The following INPP4B variants were observed in gnomAD, a reference collection of about 807,000 sequenced individuals.
INPP4B encodes inositol polyphosphate-4-phosphatase type II B, also known as inositol polyphosphate 4-phosphatase type II.
In INPP4B, 55 loss-of-function variants were observed where a neutral mutation model predicts 122.5. That is an observed-to-expected ratio of 0.45 (90% CI 0.36 to 0.56). INPP4B has a LOEUF of 0.56. Ranked by LOEUF, INPP4B falls within the 20% of genes least tolerant of loss-of-function variation. The pLI, the probability that INPP4B is intolerant of heterozygous loss-of-function variation, is 0.00. For synonymous variants in INPP4B, 403 were observed against 388.7 expected (o/e 1.04, Z -0.43); for missense variants, 1,000 against 1,097.7 (o/e 0.91, Z 1.26).
At chr4:142,709,831 C>T (rs1762897462) in intron 2 of INPP4B, among the ~76,000 whole-genome samples, 1 of 152,192 alleles carries the variant, frequency 6.6e-6, no homozygotes, top group African/African-American at 2.4e-5. Context: ...CCCCCTCTAT[C>T]TATTGCCCAC....
In INPP4B at chr4:142,226,137, G is replaced by T. The variant is rs1473580318; in HGVS notation, c.836+11727C>A. Among the ~76,000 whole-genome samples, 4 of 152,132 alleles carry T rather than the reference G, an allele frequency of 2.6e-5. No homozygotes were observed. In the East Asian group the frequency reaches 5.8e-4, roughly 22 times the overall value. ...AAAACATACTGTAAAAGTTTTACTG[G>T]TGGTAGTTTGGCAAGACCTACATAA... On this transcript the variant is annotated intron_variant, in intron 12 of 25. Coordinates refer to ENST00000262992, the MANE Select transcript of INPP4B (RefSeq NM_001101669.3).
chr4:142,415,614 A>C (rs1449447622), intron 5 of INPP4B, among the ~76,000 whole-genome samples: 1 of 152,032 alleles, frequency 6.6e-6, no homozygotes, highest in Non-Finnish European at 1.5e-5. Flanking sequence ...AGGGATCTAG[A>C]ACTAGAAATA....
chr4:142,378,225 C>A (rs72724534), intron 7 of INPP4B, among the ~76,000 whole-genome samples: 24,122 of 152,014 alleles, frequency 0.16, 2,114 homozygotes, highest in African/African-American at 0.22. Flanking sequence ...GAGACTAGAA[C>A]TTTTGGCTCT....
chr4:142,393,743 T>C (rs1054996291), intron 7 of INPP4B, among the ~76,000 whole-genome samples: 2 of 152,202 alleles, frequency 1.3e-5, no homozygotes, highest in African/African-American at 2.4e-5. Context: ...CAACCAATCA[T>C]ACACTGCTGA....
chr4:142,344,367 C>A (rs1047843039), intron 7 of INPP4B, among the ~76,000 whole-genome samples: 1 of 151,918 alleles, frequency 6.6e-6, no homozygotes, highest in African/African-American at 2.4e-5. Context: ...GCCCTTTAGC[C>A]AAACTACAAG....
chr4:142,304,574 A>T (rs915579837), intron 9 of INPP4B, among the ~76,000 whole-genome samples: 22 of 152,150 alleles, frequency 1.4e-4, no homozygotes, highest in African/African-American at 4.6e-4. Flanking sequence ...CTTTACTGAA[A>T]TAAATTGTTG....
chr4:142,336,512 G>A (rs1169306572), intron 7 of INPP4B, among the ~76,000 whole-genome samples: 1 of 152,240 alleles, frequency 6.6e-6, no homozygotes, highest in Non-Finnish European at 1.5e-5. Flanking sequence ...GAACAAACGT[G>A]AGCTGTAACA....
intron 7 of INPP4B, among the ~76,000 whole-genome samples, chr4:142,318,191 G>A (rs1160286372): frequency 6.6e-6 from 1 of 152,064 alleles, no homozygotes; most frequent in African/African-American, 2.4e-5. Flanking sequence ...GACCCAGAGA[G>A]AGAAGAACAA....
At chr4:142,074,657 T>C (rs533816839) in intron 25 of INPP4B, among the ~76,000 whole-genome samples, 41 of 152,174 alleles carry the variant, frequency 2.7e-4, no homozygotes, top group Non-Finnish European at 5.0e-4. Flanking sequence ...ACTAGGGCAA[T>C]AGATAAATTG....
intron 15 of INPP4B, among the ~76,000 whole-genome samples, chr4:142,187,352 G>A (rs1188082161): frequency 1.3e-5 from 2 of 151,880 alleles, no homozygotes; most frequent in African/African-American, 4.8e-5. Context: ...ATACTTTATT[G>A]AAATATTGAA....
At chr4:142,351,110 A>G (rs1374418905) in intron 7 of INPP4B, among the ~76,000 whole-genome samples, 1 of 152,014 alleles carries the variant, frequency 6.6e-6, no homozygotes, top group Admixed American at 6.6e-5. Flanking sequence ...CAACATTTGC[A>G]GTACTATTGC....
At chr4:142,626,480 C>A (rs982522179) in intron 2 of INPP4B, among the ~76,000 whole-genome samples, 22 of 151,820 alleles carry the variant, frequency 1.4e-4, no homozygotes, top group Admixed American at 2.6e-4. Flanking sequence ...GCCAACAGCC[C>A]ACAAAAAAGC....
chr4:142,377,715 TACTC>T (rs1329082330), intron 7 of INPP4B, among the ~76,000 whole-genome samples: 20 of 152,166 alleles, frequency 1.3e-4, no homozygotes, highest in South Asian at 6.2e-4. Context: ...TTCAAAAAAA[TACTC>T]AAGAAATGAA....
chr4:142,231,561 T>C (rs1854383767), intron 12 of INPP4B, among the ~76,000 whole-genome samples: 1 of 152,234 alleles, frequency 6.6e-6, no homozygotes, highest in South Asian at 2.1e-4. Context: ...GACGTTTCTA[T>C]ATAACATTTT....
intron 2 of INPP4B, among the ~76,000 whole-genome samples, chr4:142,623,562 T>C (rs1745475854): frequency 6.6e-6 from 1 of 151,970 alleles, no homozygotes; most frequent in South Asian, 2.1e-4. Flanking sequence ...AATTCACTCC[T>C]TTTTTAAATT....
intron 1 of INPP4B, among the ~76,000 whole-genome samples, chr4:142,736,069 T>A (rs1176788118): frequency 1.3e-5 from 2 of 152,066 alleles, no homozygotes; most frequent in Non-Finnish European, 2.9e-5. Flanking sequence ...AGTTTAGACC[T>A]CTTATACTCA....
At chr4:142,337,569 G>A (rs547526011) in intron 7 of INPP4B, among the ~76,000 whole-genome samples, 1 of 149,220 alleles carries the variant, frequency 6.7e-6, no homozygotes, top group Non-Finnish European at 1.5e-5. Context: ...AATGTTTACT[G>A]GCCATTTGAT....
At chr4:142,574,407 T>C (rs1733436868) in intron 2 of INPP4B, among the ~76,000 whole-genome samples, 1 of 152,034 alleles carries the variant, frequency 6.6e-6, no homozygotes, top group Non-Finnish European at 1.5e-5. Flanking sequence ...ACCGTAATGG[T>C]CTCTCTTCCT....
chr4:142,618,978 T>A (rs1310020744), intron 2 of INPP4B, among the ~76,000 whole-genome samples: 1 of 152,006 alleles, frequency 6.6e-6, no homozygotes, highest in African/African-American at 2.4e-5. Flanking sequence ...CCAACAGATA[T>A]ATGAAATGCT....
Sources: allele counts gnomAD v4.1 joint callset (sites outside exome capture counted in the v4.1 genomes callset), GRCh38; gene constraint gnomAD v4.1.1; transcripts MANE v1.5; gene names NCBI Gene and HGNC (gene_info 2026-07-23, HGNC 2026-07-21).